Variants in PTPRD observed in about 807,000 individuals in gnomAD.
PTPRD encodes the protein receptor-type tyrosine-protein phosphatase delta.
Under a neutral mutation model 214.5 loss-of-function variants are expected in PTPRD, and 34 were observed. That is an observed-to-expected ratio of 0.16 (90% confidence interval 0.12 to 0.21). The LOEUF (loss-of-function observed/expected upper bound fraction) is 0.21, where lower values mean the gene tolerates loss of function less well. Ranked by LOEUF, PTPRD falls within the 10% of genes least tolerant of loss-of-function variation. The pLI is 1.00. For synonymous variants in PTPRD, 1,128 were observed against 845.7 expected, an observed-to-expected ratio of 1.33 and a Z score of -5.79; for missense variants, 2,545 against 2,398.7, an observed-to-expected ratio of 1.06 and a Z score of -1.27.
chr9:9,054,951 T>A (rs1027315823), intron 10 of PTPRD, among the ~76,000 whole-genome samples: 23 of 152,172 alleles, frequency 1.5e-4, no homozygotes, highest in African/African-American at 5.5e-4. Context: ...GATCGGGATG[T>A]CTATATAACA....
intron 3 of PTPRD, among the ~76,000 whole-genome samples, chr9:10,188,438 C>G (rs1371168897): frequency 6.6e-6 from 1 of 151,984 alleles, no homozygotes; most frequent in African/African-American, 2.4e-5. Context: ...GTTGTCTTTC[C>G]TAGACTTAAT....
Position 10,169,957 on chromosome 9 carries a change from T to A in PTPRD, c.-544-136167A>T, listed in dbSNP as rs183829266. ...ATAAATATATTCAAATAAGAAAAGA[T>A]AAATACACTCAAATGATTAAGGAAA... On this transcript the variant is annotated intron_variant, in intron 3 of 45. Coordinates refer to ENST00000381196, the MANE Select transcript of PTPRD (RefSeq NM_002839.4). Among the ~76,000 whole-genome samples, 159 of 152,310 alleles carry A rather than the reference T, an allele frequency of 1.0e-3. 1 individual carries two copies. Among genetic ancestry groups the A allele is most frequent in the African/African-American group, 3.7e-3 (153 of 41,562 alleles).
At chr9:10,199,954 TAAC>T (rs1241150430) in intron 3 of PTPRD, among the ~76,000 whole-genome samples, 1 of 150,808 alleles carries the variant, frequency 6.6e-6, no homozygotes, top group Non-Finnish European at 1.5e-5. Flanking sequence ...ACTGAGGAAA[TAAC>T]AAATATATTT....
intron 3 of PTPRD, among the ~76,000 whole-genome samples, chr9:10,156,332 G>C (rs896743208): frequency 6.6e-6 from 1 of 151,986 alleles, no homozygotes; most frequent in African/African-American, 2.4e-5. Flanking sequence ...CTGGTGTGTT[G>C]TATCTTTTCT....
chr9:10,380,515 C>A (rs2097798299), intron 2 of PTPRD, among the ~76,000 whole-genome samples: 1 of 152,034 alleles, frequency 6.6e-6, no homozygotes, highest in African/African-American at 2.4e-5. Flanking sequence ...TAGTACCCTT[C>A]ACTAATCAGC....
intron 10 of PTPRD, among the ~76,000 whole-genome samples, chr9:9,097,767 C>T (rs1485959985): frequency 2.6e-5 from 4 of 151,982 alleles, no homozygotes; most frequent in African/African-American, 9.7e-5. Context: ...CATGTTTCTA[C>T]AGATCTTGTG....
intron 11 of PTPRD, among the ~76,000 whole-genome samples, chr9:8,916,794 T>C (rs2098789074): frequency 6.6e-6 from 1 of 152,176 alleles, no homozygotes; most frequent in Admixed American, 6.5e-5. Flanking sequence ...TTGTTTCAAA[T>C]TGGAAACAAC....
intron 5 of PTPRD, among the ~76,000 whole-genome samples, chr9:9,904,833 T>G (rs935994426): frequency 1.3e-5 from 2 of 152,010 alleles, no homozygotes; most frequent in African/African-American, 4.8e-5. Flanking sequence ...AAGATCAAAC[T>G]CAGAGAAATC....
chr9:9,402,211 T>A (rs1233559670), intron 8 of PTPRD, among the ~76,000 whole-genome samples: 1 of 152,022 alleles, frequency 6.6e-6, no homozygotes, highest in Non-Finnish European at 1.5e-5. Context: ...GAAAAAAATA[T>A]AGTACAGAAA....
At chr9:8,805,150 T>C (rs1234275509) in intron 11 of PTPRD, among the ~76,000 whole-genome samples, 1 of 152,030 alleles carries the variant, frequency 6.6e-6, no homozygotes, top group African/African-American at 2.4e-5. Context: ...GAAAGAAAAA[T>C]GAACCAAGAT....
chr9:9,028,283 T>G (rs2099593852), intron 10 of PTPRD, among the ~76,000 whole-genome samples: 1 of 151,998 alleles, frequency 6.6e-6, no homozygotes, highest in African/African-American at 2.4e-5. Flanking sequence ...TCCGTAATAC[T>G]ATTATGCTCA....
intron 14 of PTPRD, among the ~76,000 whole-genome samples, chr9:8,613,709 G>C (rs903860099): frequency 2.6e-5 from 4 of 152,106 alleles, no homozygotes; most frequent in African/African-American, 9.7e-5. Flanking sequence ...CGCTGAGCCT[G>C]ATTTGGCTGT....
intron 37 of PTPRD, among the ~76,000 whole-genome samples, chr9:8,381,378 G>A (rs1215124164): frequency 6.6e-6 from 1 of 152,162 alleles, no homozygotes; most frequent in African/African-American, 2.4e-5. Context: ...TAACTATTCT[G>A]GAAATTTTTA....
At chr9:10,203,143 C>G (rs1251838499) in intron 3 of PTPRD, among the ~76,000 whole-genome samples, 2 of 149,734 alleles carry the variant, frequency 1.3e-5, no homozygotes, top group Non-Finnish European at 3.0e-5. Context: ...AAATCAGTTC[C>G]TGTTTACTGT....
chr9:9,516,076 C>G (rs1435771774), intron 8 of PTPRD, among the ~76,000 whole-genome samples: 4 of 152,050 alleles, frequency 2.6e-5, no homozygotes, highest in African/African-American at 4.8e-5. Flanking sequence ...CCTTCAAGTT[C>G]TTGGGATAAT....
At chr9:10,003,770 C>A (rs1288218772) in intron 4 of PTPRD, among the ~76,000 whole-genome samples, 3 of 151,668 alleles carry the variant, frequency 2.0e-5, no homozygotes, top group South Asian at 4.1e-4. Context: ...CTCATGTGGT[C>A]CTCACAACAG....
intron 3 of PTPRD, among the ~76,000 whole-genome samples, chr9:10,155,433 C>T (rs2099086907): frequency 6.6e-6 from 1 of 151,946 alleles, no homozygotes; most frequent in South Asian, 2.1e-4. Context: ...TTTAGATGTG[C>T]TTTATTTCTT....
chr9:9,979,149 G>A (rs906464463), intron 4 of PTPRD, among the ~76,000 whole-genome samples: 2 of 152,034 alleles, frequency 1.3e-5, no homozygotes, highest in African/African-American at 4.8e-5. Context: ...CCTTCAGGCA[G>A]AAGGAATATG....
At chr9:9,856,683 T>C (rs1443531125) in intron 5 of PTPRD, among the ~76,000 whole-genome samples, 2 of 151,944 alleles carry the variant, frequency 1.3e-5, no homozygotes, top group Non-Finnish European at 2.9e-5. Context: ...GAATTTGTTA[T>C]AGAATCTGTT....
Sources: gnomAD v4.1 joint callset for allele counts (sites outside exome capture counted in the v4.1 genomes callset) on GRCh38, gnomAD v4.1.1 for gene constraint, MANE v1.5 for transcripts, NCBI Gene and HGNC (gene_info 2026-07-23, HGNC 2026-07-21) for gene names.